THADA: variants seen among roughly 807,000 people sequenced by gnomAD.
THADA encodes tRNA (32-2'-O)-methyltransferase regulator THADA.
Under a neutral mutation model 219.8 loss-of-function variants are expected in THADA, and 213 were observed. The observed-to-expected ratio is 0.97, with a 90% CI of 0.87 to 1.09. The LOEUF (loss-of-function observed/expected upper bound fraction) is 1.09, where lower values mean the gene tolerates loss of function less well. Ranked by LOEUF, THADA falls within the 50% of genes least tolerant of loss-of-function variation. The probability of loss-of-function intolerance (pLI) is 0.00; values close to 1 mark genes in which losing one functional copy is unlikely to be tolerated. For missense variants in THADA, 2,956 were observed against 2,311.3 expected (o/e 1.28, Z -5.72); for synonymous variants, 1,018 against 828.9 (o/e 1.23, Z -3.92).
At chr2:43,446,982 A>T (rs1681654922) in intron 26 of THADA, among the ~76,000 whole-genome samples, 1 of 152,136 alleles carries the variant, frequency 6.6e-6, no homozygotes, top group South Asian at 2.1e-4. Context: ...GCTGCGTATT[A>T]GTCCGTTTTC....
chr2:43,351,310 G>A (rs542842509), intron 29 of THADA, among the ~76,000 whole-genome samples: 3 of 152,132 alleles, frequency 2.0e-5, no homozygotes, highest in Admixed American at 6.5e-5. Context: ...TCCACTTTAC[G>A]AACCTATTCT....
At chr2:43,233,853 T>A (rs1667726108) in intron 36 of THADA, among the ~76,000 whole-genome samples, 1 of 152,176 alleles carries the variant, frequency 6.6e-6, no homozygotes. Flanking sequence ...AATGGACCTC[T>A]GTAGGCCCAT....
intron 31 of THADA, among the ~76,000 whole-genome samples, chr2:43,301,079 T>G (rs1161047956): frequency 5.9e-5 from 9 of 152,164 alleles, no homozygotes; most frequent in Non-Finnish European, 1.3e-4. Flanking sequence ...GGTTTCAAGT[T>G]GGGCGCAGAC....
At chr2:43,546,107 A>G (rs1574189481) in intron 20 of THADA, among the ~76,000 whole-genome samples, 1 of 150,258 alleles carries the variant, frequency 6.7e-6, no homozygotes, top group African/African-American at 2.5e-5. Context: ...GAACATCTTT[A>G]TTTCTGCCTT....
intron 36 of THADA, among the ~76,000 whole-genome samples, chr2:43,249,382 C>T (rs114464107): frequency 4.6e-5 from 7 of 152,238 alleles, no homozygotes; most frequent in South Asian, 4.1e-4. Flanking sequence ...TCGTTGTGGC[C>T]GGCCAATGAT....
At chr2:43,489,106 T>C (rs1288870891) in intron 25 of THADA, among the ~76,000 whole-genome samples, 2 of 152,214 alleles carry the variant, frequency 1.3e-5, no homozygotes, top group Non-Finnish European at 2.9e-5. Flanking sequence ...CTGTGGGTTG[T>C]CTTTATACTT....
chr2:43,582,140 C>T (rs1700526995), intron 7 of THADA, among the ~76,000 whole-genome samples: 1 of 152,140 alleles, frequency 6.6e-6, no homozygotes, highest in Non-Finnish European at 1.5e-5. Flanking sequence ...CTACATGTCC[C>T]TCTTTCTCAG....
At chr2:43,339,324 G>C (rs575680546) in intron 30 of THADA, among the ~76,000 whole-genome samples, 1 of 152,146 alleles carries the variant, frequency 6.6e-6, no homozygotes, top group Non-Finnish European at 1.5e-5. Context: ...TCTGTTGCTC[G>C]GGTTGGAATG....
chr2:43,593,130 T>C (rs1197037704), intron 1 of THADA, among the ~76,000 whole-genome samples: 1 of 152,104 alleles, frequency 6.6e-6, no homozygotes, highest in African/African-American at 2.4e-5. Flanking sequence ...GAGACTATAA[T>C]GTAGTACATG....
intron 22 of THADA, 150 bp downstream of exon 22, chr2:43,527,729 A>G: frequency 1.9e-6 from 1 of 521,166 alleles, no homozygotes; most frequent in South Asian, 3.5e-5. Flanking sequence ...TCATACAATG[A>G]AACCTAAGAA....
At chr2:43,250,315 A>C (rs1030617402) in intron 36 of THADA, among the ~76,000 whole-genome samples, 1 of 152,258 alleles carries the variant, frequency 6.6e-6, no homozygotes, top group Non-Finnish European at 1.5e-5. Context: ...AAAAGGTCAT[A>C]TATAAATCCA....
chr2:43,370,818 T>G (rs907320307), intron 29 of THADA, among the ~76,000 whole-genome samples: 2 of 152,224 alleles, frequency 1.3e-5, no homozygotes, highest in Non-Finnish European at 2.9e-5. Flanking sequence ...TGAAACTCAG[T>G]AGATTTCAAA....
At chr2:43,234,229 T>G (rs1667764980) in intron 36 of THADA, among the ~76,000 whole-genome samples, 1 of 152,188 alleles carries the variant, frequency 6.6e-6, no homozygotes, top group Admixed American at 6.5e-5. Flanking sequence ...AAGCGCAGAT[T>G]TGGAGACCCA....
At chr2:43,494,815 G>A (rs13431070) in intron 25 of THADA, among the ~76,000 whole-genome samples, 26,211 of 152,100 alleles carry the variant, frequency 0.17, 3,362 homozygotes, top group African/African-American at 0.36. Context: ...TATATTTTAA[G>A]AATGCCTACT....
At chr2:43,483,519 T>G (rs866794704) in intron 26 of THADA, among the ~76,000 whole-genome samples, 1 of 152,154 alleles carries the variant, frequency 6.6e-6, no homozygotes, top group South Asian at 2.1e-4. Flanking sequence ...AATTAAAAGC[T>G]CTCACATTCT....
At chr2:43,332,890 G>A (rs1354124282) in intron 30 of THADA, among the ~76,000 whole-genome samples, 2 of 152,188 alleles carry the variant, frequency 1.3e-5, no homozygotes, top group African/African-American at 4.8e-5. Context: ...AATTCTTGGT[G>A]TGTGTGCAGT....
intron 17 of THADA, among the ~76,000 whole-genome samples, chr2:43,552,554 G>C (rs1158415429): frequency 2.0e-5 from 3 of 152,108 alleles, no homozygotes; most frequent in Non-Finnish European, 2.9e-5. Context: ...ATCCATTACA[G>C]CATTCACTCT....
At chr2:43,534,994 C>A (rs1186207588) in intron 21 of THADA, among the ~76,000 whole-genome samples, 1 of 152,092 alleles carries the variant, frequency 6.6e-6, no homozygotes, top group Non-Finnish European at 1.5e-5. Flanking sequence ...TCTCCACATT[C>A]CTGCCATCAT....
chr2:43,500,394 T>C (rs1688802729), intron 24 of THADA, among the ~76,000 whole-genome samples: 1 of 152,154 alleles, frequency 6.6e-6, no homozygotes, highest in African/African-American at 2.4e-5. Flanking sequence ...CTTGTCTGTA[T>C]ATGTACTATA....
Sources: gnomAD v4.1 joint callset for allele counts (sites outside exome capture counted in the v4.1 genomes callset) on GRCh38, gnomAD v4.1.1 for gene constraint, MANE v1.5 for transcripts, NCBI Gene and HGNC (gene_info 2026-07-23, HGNC 2026-07-21) for gene names.